The following WFDC6 variants were observed in gnomAD, a reference collection of about 807,000 sequenced individuals.
WFDC6 encodes the protein WAP four-disulfide core domain 6.
WFDC6 carries 10 observed loss-of-function variants against 8.2 expected under a neutral mutation model. That is an observed-to-expected ratio of 1.22 (90% confidence interval 0.75 to 2.07). The LOEUF (loss-of-function observed/expected upper bound fraction) is 2.07, where lower values mean the gene tolerates loss of function less well. WFDC6 is among the 30% of genes most tolerant of loss of function. WFDC6 has a pLI of 0.00. For missense variants in WFDC6, 105 were observed against 104.9 expected, an observed-to-expected ratio of 1.00 and a Z score of 0.00; for synonymous variants, 28 against 37.0, an observed-to-expected ratio of 0.76 and a Z score of 0.88.
chr20:45,537,690 A>G, intron 2 of WFDC6: 1 of 1,134,400 alleles, frequency 8.8e-7, no homozygotes, highest in Non-Finnish European at 1.3e-6. Flanking sequence ...CCAAGAGACC[A>G]TGTGGTCCAT....
At chr20:45,539,203 G>C (rs1979489185) in intron 1 of WFDC6, 114 bp downstream of exon 1, 1 of 1,029,706 alleles carries the variant, frequency 9.7e-7, no homozygotes, top group East Asian at 2.5e-5. Flanking sequence ...TTCCCACCTG[G>C]AATTCCAGGC....
intron 2 of WFDC6, chr20:45,535,370 C>T: frequency 1.6e-6 from 2 of 1,264,856 alleles, no homozygotes; most frequent in Admixed American, 2.6e-5. Context: ...GGGTGCCTGT[C>T]TCCCTGGAGA....
In WFDC6 at chr20:45,538,089, A is replaced by G. The variant is rs747009547; in HGVS notation, c.97T>C (p.Cys33Arg). 4.3e-6 allele frequency: 7 copies of G among 1,613,952 alleles called. No individual in the cohort carries two copies. Among genetic ancestry groups the G allele is most frequent in the Middle Eastern group, 3.3e-4 (2 of 6,060 alleles). ...GHAEGILGKPCPKIKVECEVE... is the reference protein window; with the variant it reads ...GHAEGILGKPRPKIKVECEVE... Reference sequence around the variant, plus strand: ...TCGCATTCCACTTTGATTTTGGGACACGGCTCTAAGGGAGGGGAAGATATA... The same window carrying G: ...TCGCATTCCACTTTGATTTTGGGACGCGGCTCTAAGGGAGGGGAAGATATA... The change falls in exon 2 of 3, where the codon TGT becomes CGT. Residue 33 changes from cysteine to arginine, a missense_variant. Coordinates refer to ENST00000372670, the MANE Select transcript of WFDC6 (RefSeq NM_080827.2).
chr20:45,539,285 C>A, intron 1 of WFDC6, 32 bp downstream of exon 1: 1 of 1,596,898 alleles, frequency 6.3e-7, no homozygotes, highest in Non-Finnish European at 8.6e-7. Context: ...GTTTCCTTTC[C>A]CCATTGCAAG....
intron 2 of WFDC6, chr20:45,535,320 C>T: frequency 7.7e-7 from 1 of 1,303,026 alleles, no homozygotes; most frequent in Admixed American, 2.3e-5. Context: ...CTGTGGCATA[C>T]TGCATATATC....
At chr20:45,536,548 C>T (rs1487554490) in intron 2 of WFDC6, among the ~76,000 whole-genome samples, 1 of 152,182 alleles carries the variant, frequency 6.6e-6, no homozygotes, top group Non-Finnish European at 1.5e-5. Context: ...AAATAACTTT[C>T]TTGAGGCCAC....
intron 2 of WFDC6, chr20:45,535,370 C>G: frequency 1.6e-6 from 2 of 1,264,860 alleles, no homozygotes; most frequent in African/African-American, 1.5e-5. Flanking sequence ...GGGTGCCTGT[C>G]TCCCTGGAGA....
intron 2 of WFDC6, chr20:45,537,259 A>G: frequency 2.0e-6 from 1 of 491,024 alleles, no homozygotes; most frequent in Non-Finnish European, 3.7e-6. Flanking sequence ...ACATCCTATT[A>G]TCTGGCCTGA....
intron 1 of WFDC6, among the ~76,000 whole-genome samples, chr20:45,538,531 C>T (rs1979461380): frequency 6.6e-6 from 1 of 152,146 alleles, no homozygotes; most frequent in South Asian, 2.1e-4. Context: ...CTCATTTGCC[C>T]ATAGGGTTGC....
In WFDC6 at chr20:45,538,456, T is replaced by G. The variant is rs142279719; in HGVS notation, c.92-362A>C. On this transcript the variant is annotated intron_variant, in intron 1 of 2. Transcript: ENST00000372670. The stretch of plus-strand genomic sequence containing the variant: ...TGAGATTAACATTTCTGGCATCAGA[T>G]AGCTGGGCTTTTGAATTCTGTGAGA... Among the ~76,000 whole-genome samples, 966 of 152,306 alleles carry G rather than the reference T, an allele frequency of 6.3e-3. 11 individuals carry two copies. Among genetic ancestry groups the G allele is most frequent in the African/African-American group, 0.022 (902 of 41,564 alleles).
At chr20:45,537,315 T>C in intron 2 of WFDC6, 3 of 591,280 alleles carry the variant, frequency 5.1e-6, no homozygotes, top group Non-Finnish European at 9.0e-6. Flanking sequence ...ATCTTTCAGA[T>C]CTTAAATCAT....
intron 1 of WFDC6, among the ~76,000 whole-genome samples, chr20:45,538,863 TTG>T (rs1003458473): frequency 6.6e-5 from 10 of 152,208 alleles, no homozygotes; most frequent in African/African-American, 2.2e-4. Flanking sequence ...TAGCTGCTAA[TTG>T]TGAGTCTTCA....
At chr20:45,537,575 A>G in intron 2 of WFDC6, 1 of 1,548,952 alleles carries the variant, frequency 6.5e-7, no homozygotes, top group Non-Finnish European at 8.7e-7. Context: ...CAGGAAATAC[A>G]GATTATATAC....
intron 2 of WFDC6, among the ~76,000 whole-genome samples, chr20:45,535,878 T>C (rs1979345493): frequency 2.0e-5 from 3 of 152,194 alleles, no homozygotes; most frequent in African/African-American, 7.2e-5. Context: ...TTTCTTATGC[T>C]GCCCCAACAC....
At chr20:45,534,797 A>G (rs1191758889) in intron 2 of WFDC6, among the ~76,000 whole-genome samples, 2 of 152,198 alleles carry the variant, frequency 1.3e-5, no homozygotes, top group African/African-American at 2.4e-5. Flanking sequence ...GTTAGAAATA[A>G]CCTTTCAAAG....
chr20:45,538,254 G>A (rs541018270), intron 1 of WFDC6, among the ~76,000 whole-genome samples, 160 bp from the exon 2 acceptor site: 3 of 152,022 alleles, frequency 2.0e-5, no homozygotes, highest in African/African-American at 7.2e-5. Flanking sequence ...TCACAACACT[G>A]CTCACATCCC....
chr20:45,539,440 A>G lies in WFDC6; in HGVS notation c.-33T>C. On this transcript the variant is annotated 5_prime_UTR_variant, in exon 1 of 3. Coordinates refer to ENST00000372670, the MANE Select transcript of WFDC6 (RefSeq NM_080827.2). ...AGTACTGGCCTGGTTGATGGCACCA[A>G]AACTAAGAACTGCTCCTCAGCAGCT... 6.2e-7 allele frequency: 1 copy of G among 1,601,488 alleles called. No homozygotes were observed. The highest frequency in any genetic ancestry group is 8.6e-7 in the Non-Finnish European group (1 of 1,168,792).
intron 1 of WFDC6, among the ~76,000 whole-genome samples, chr20:45,539,069 C>T (rs534609019): frequency 6.6e-6 from 1 of 152,224 alleles, no homozygotes; most frequent in South Asian, 2.1e-4. Flanking sequence ...TTCATGAGCT[C>T]TAGGTCCAGG....
At chr20:45,535,753 T>G (rs1979341231) in intron 2 of WFDC6, among the ~76,000 whole-genome samples, 1 of 152,194 alleles carries the variant, frequency 6.6e-6, no homozygotes, top group Admixed American at 6.5e-5. Context: ...CCAAGACTTC[T>G]CCAATCTGCT....
Sources: allele counts gnomAD v4.1 joint callset (sites outside exome capture counted in the v4.1 genomes callset), GRCh38; gene constraint gnomAD v4.1.1; transcripts MANE v1.5; gene names NCBI Gene and HGNC (gene_info 2026-07-23, HGNC 2026-07-21).